Variants in ARHGAP44 observed in about 807,000 individuals in gnomAD.
ARHGAP44 encodes the protein rho GTPase-activating protein 44.
In ARHGAP44, 43 loss-of-function variants were observed where a neutral mutation model predicts 106.8. The ratio of observed to expected loss-of-function variants is 0.40; its 90% CI spans 0.32 to 0.52. The LOEUF (loss-of-function observed/expected upper bound fraction) is 0.52. Among genes scored for constraint, ARHGAP44 ranks in the 20% least tolerant of loss-of-function variants. The probability of loss-of-function intolerance (pLI) is 0.48; values close to 1 mark genes in which losing one functional copy is unlikely to be tolerated. For missense variants in ARHGAP44, 866 were observed against 1,050.5 expected (o/e 0.82, Z 2.43); for synonymous variants, 439 against 410.3 (o/e 1.07, Z -0.85).
rs148721081 is a variant in ARHGAP44, at chr17:12,926,548, A to G, written c.465-2381A>G. Among the ~76,000 whole-genome samples the G allele has an allele frequency of 3.1e-3, 449 of 146,692 alleles. 9 individuals carry two copies. The East Asian group carries it at 0.057, about 19-fold the overall frequency. On this transcript the variant is annotated intron_variant, in intron 6 of 20. Coordinates refer to ENST00000379672, the MANE Select transcript of ARHGAP44 (RefSeq NM_014859.6). ...TATTATACATACATATATATTATAT[A>G]TATAACATTGTAAATTGTAAATAAA... is the stretch of plus-strand genomic sequence containing the variant.
chr17:12,907,671 A>G (rs2037595082), intron 3 of ARHGAP44, among the ~76,000 whole-genome samples: 1 of 152,202 alleles, frequency 6.6e-6, no homozygotes, highest in South Asian at 2.1e-4. Flanking sequence ...TGGCTGCATA[A>G]TGTTCCATTT....
intron 1 of ARHGAP44, among the ~76,000 whole-genome samples, chr17:12,800,552 T>C (rs2034059883): frequency 6.6e-6 from 1 of 152,150 alleles, no homozygotes; most frequent in Non-Finnish European, 1.5e-5. Flanking sequence ...TGGCTCTGAA[T>C]ATTCTGGAAG....
intron 5 of ARHGAP44, among the ~76,000 whole-genome samples, chr17:12,918,289 G>A (rs2037975689): frequency 6.6e-6 from 1 of 152,182 alleles, no homozygotes; most frequent in Non-Finnish European, 1.5e-5. Flanking sequence ...GTTACACGCA[G>A]AACATTACTC....
intron 1 of ARHGAP44, among the ~76,000 whole-genome samples, chr17:12,894,508 T>C (rs1226434367): frequency 6.6e-6 from 1 of 152,140 alleles, no homozygotes; most frequent in Non-Finnish European, 1.5e-5. Context: ...TGCCAGACCG[T>C]GGTGGTGGCA....
Position 12,937,846 on chromosome 17 carries a change from A to G in ARHGAP44, c.583-3210A>G, listed in dbSNP as rs531209749. On this transcript the variant is annotated intron_variant, in intron 7 of 20. Transcript: ENST00000379672. ...CCAGGCGTGGTGGCTCACACCTGTA[A>G]TCCCAGCACTTTGGGAGGCCGAGGT... 1.1e-4 allele frequency among the ~76,000 whole-genome samples: 17 copies of G among 152,304 alleles called. No homozygotes were observed. The East Asian group carries it at 3.1e-3, about 28-fold the overall frequency.
At position 12,932,401 on chromosome 17, in the gene ARHGAP44, A is replaced by G. The variant is rs114810539; in HGVS notation, c.582+3355A>G. On this transcript the variant is annotated intron_variant, in intron 7 of 20. Coordinates refer to ENST00000379672, the MANE Select transcript of ARHGAP44 (RefSeq NM_014859.6). Reference sequence around the variant, plus strand: ...TTGCTTTTCTAAAATATCAATTTATAAAAATTATCTATGTATCAGCAGTTT... The same window carrying G: ...TTGCTTTTCTAAAATATCAATTTATGAAAATTATCTATGTATCAGCAGTTT... Among the ~76,000 whole-genome samples, 693 of 152,348 alleles carry G rather than the reference A, an allele frequency of 4.5e-3. 3 individuals carry two copies. Among genetic ancestry groups the G allele is most frequent in the African/African-American group, 0.016 (655 of 41,574 alleles).
intron 16 of ARHGAP44, among the ~76,000 whole-genome samples, chr17:12,963,181 A>G (rs1197931298): frequency 6.6e-6 from 1 of 152,044 alleles, no homozygotes; most frequent in African/African-American, 2.4e-5. Flanking sequence ...TAAAGATGGC[A>G]GCAGATGCTT....
chr17:12,897,423 A>G (rs955257212), intron 3 of ARHGAP44, among the ~76,000 whole-genome samples: 2 of 147,168 alleles, frequency 1.4e-5, no homozygotes, highest in African/African-American at 5.0e-5. Flanking sequence ...TACTTGTCCT[A>G]CGAGTCATTT....
At chr17:12,953,104 G>A (rs1340545093) in intron 13 of ARHGAP44, among the ~76,000 whole-genome samples, 2 of 152,146 alleles carry the variant, frequency 1.3e-5, no homozygotes, top group East Asian at 3.9e-4. Context: ...GGGAGAAGCT[G>A]ACCTACATGG....
intron 1 of ARHGAP44, among the ~76,000 whole-genome samples, chr17:12,836,633 G>A (rs1305876505): frequency 1.3e-5 from 2 of 150,876 alleles, no homozygotes; most frequent in African/African-American, 2.4e-5. Context: ...CTCCAGCCTG[G>A]GTGACAGAGT....
At chr17:12,805,374 A>G (rs989431055) in intron 1 of ARHGAP44, among the ~76,000 whole-genome samples, 21 of 152,186 alleles carry the variant, frequency 1.4e-4, no homozygotes, top group African/African-American at 4.8e-4. Flanking sequence ...CAAGAGTGTG[A>G]AGAAGACACT....
chr17:12,882,313 G>A (rs764516073), intron 1 of ARHGAP44, among the ~76,000 whole-genome samples: 3 of 152,018 alleles, frequency 2.0e-5, no homozygotes, highest in African/African-American at 7.2e-5. Context: ...TATTGATCTT[G>A]TATCTAGCCA....
intron 4 of ARHGAP44, 64 bp from the exon 5 acceptor site, chr17:12,915,836 G>T (rs1472645072): frequency 4.3e-6 from 6 of 1,398,606 alleles, no homozygotes; most frequent in Non-Finnish European, 6.0e-6. Context: ...GGTGAGGGGA[G>T]GGTAACGCCA....
chr17:12,943,463 A>T (rs2038758826), intron 8 of ARHGAP44, 125 bp from the exon 9 acceptor site: 2 of 758,912 alleles, frequency 2.6e-6, no homozygotes, highest in Non-Finnish European at 4.6e-6. Context: ...GGTAGATTGG[A>T]GGAGGGAATG....
At chr17:12,815,556 C>T (rs1597881212) in intron 1 of ARHGAP44, among the ~76,000 whole-genome samples, 1 of 152,034 alleles carries the variant, frequency 6.6e-6, no homozygotes, top group African/African-American at 2.4e-5. Flanking sequence ...AAATTAGAGC[C>T]CCCATGACTC....
At chr17:12,865,325 T>C (rs1218951402) in intron 1 of ARHGAP44, among the ~76,000 whole-genome samples, 1 of 152,158 alleles carries the variant, frequency 6.6e-6, no homozygotes, top group Non-Finnish European at 1.5e-5. Flanking sequence ...TCAATAACCA[T>C]TTTTTGTTTG....
At chr17:12,920,498 C>A (rs2038050903) in intron 6 of ARHGAP44, among the ~76,000 whole-genome samples, 1 of 151,672 alleles carries the variant, frequency 6.6e-6, no homozygotes, top group Non-Finnish European at 1.5e-5. Flanking sequence ...TGGTCTTAGA[C>A]TTAGATGATG....
chr17:12,809,764 A>G (rs2034383727), intron 1 of ARHGAP44, among the ~76,000 whole-genome samples: 2 of 152,140 alleles, frequency 1.3e-5, no homozygotes, highest in South Asian at 4.1e-4. Flanking sequence ...GGTCATCTAG[A>G]TCAGATTTGT....
chr17:12,989,966 C>T (rs924645742), intron 20 of ARHGAP44, 66 bp from the exon 21 acceptor site: 7 of 1,576,548 alleles, frequency 4.4e-6, no homozygotes, highest in African/African-American at 2.7e-5. Context: ...CATTATTTGC[C>T]TACAACTAGG....
Sources: gnomAD v4.1 joint callset for allele counts (sites outside exome capture counted in the v4.1 genomes callset) on GRCh38, gnomAD v4.1.1 for gene constraint, MANE v1.5 for transcripts, NCBI Gene and HGNC (gene_info 2026-07-23, HGNC 2026-07-21) for gene names.